The following SYT1 variants were observed in gnomAD, a reference collection of about 807,000 sequenced individuals.
SYT1 encodes synaptotagmin 1.
SYT1 carries 8 observed loss-of-function variants against 44.8 expected under a neutral mutation model. The ratio of observed to expected loss-of-function variants is 0.18; its 90% CI spans 0.10 to 0.32. The LOEUF (loss-of-function observed/expected upper bound fraction) is 0.32, where lower values mean the gene tolerates loss of function less well. SYT1 is among the 10% of genes least tolerant of loss of function. The pLI, the probability that SYT1 is intolerant of heterozygous loss-of-function variation, is 1.00. For synonymous variants in SYT1, 154 were observed against 188.8 expected, an observed-to-expected ratio of 0.82 and a Z score of 1.51; for missense variants, 286 against 509.3, an observed-to-expected ratio of 0.56 and a Z score of 4.22.
chr12:79,292,975 A>G (rs1879660363), intron 6 of SYT1, among the ~76,000 whole-genome samples: 1 of 152,124 alleles, frequency 6.6e-6, no homozygotes, highest in South Asian at 2.1e-4. Flanking sequence ...AAAGCTGGAT[A>G]AGAATTAGGG....
chr12:79,169,262 A>C (rs1871375786), intron 3 of SYT1, among the ~76,000 whole-genome samples: 1 of 152,052 alleles, frequency 6.6e-6, no homozygotes, highest in African/African-American at 2.4e-5. Context: ...AGCAGCAGTC[A>C]ACTATCCACA....
intron 3 of SYT1, among the ~76,000 whole-genome samples, chr12:79,194,453 G>T (rs967728581): frequency 1.3e-5 from 2 of 148,628 alleles, no homozygotes; most frequent in Non-Finnish European, 3.0e-5. Flanking sequence ...TAATAATTTT[G>T]TTATTATTAT....
chr12:78,889,583 G>C (rs1250562725), intron 1 of SYT1, among the ~76,000 whole-genome samples: 1 of 151,934 alleles, frequency 6.6e-6, no homozygotes. Context: ...GTGGGAAAGA[G>C]TGTGAGCAAA....
chr12:78,909,145 A>AT (rs1876161527), intron 1 of SYT1, among the ~76,000 whole-genome samples: 1 of 151,770 alleles, frequency 6.6e-6, no homozygotes, highest in Non-Finnish European at 1.5e-5. Context: ...GCCTCCATGC[A>AT]TTTTTTGTGC....
chr12:79,105,754 C>T (rs1015905637), intron 3 of SYT1, among the ~76,000 whole-genome samples: 1 of 152,028 alleles, frequency 6.6e-6, no homozygotes, highest in Admixed American at 6.5e-5. Context: ...GTGGCGGGCG[C>T]CTGTAGTCCC....
chr12:78,946,647 A>T (rs1345475539), intron 1 of SYT1, among the ~76,000 whole-genome samples: 1 of 152,002 alleles, frequency 6.6e-6, no homozygotes, highest in Non-Finnish European at 1.5e-5. Flanking sequence ...AGATCGTGCC[A>T]CTGCACTTCA....
At chr12:79,054,421 A>G (rs1413065221) in intron 3 of SYT1, among the ~76,000 whole-genome samples, 3 of 152,174 alleles carry the variant, frequency 2.0e-5, no homozygotes, top group Non-Finnish European at 4.4e-5. Context: ...TAGGAAAAGT[A>G]GAACCCAAAT....
chr12:79,171,333 GT>G (rs1169503736), intron 3 of SYT1, among the ~76,000 whole-genome samples: 1 of 152,042 alleles, frequency 6.6e-6, no homozygotes, highest in African/African-American at 2.4e-5. Flanking sequence ...AGCATGGAAT[GT>G]TTTTCCATTT....
intron 2 of SYT1, among the ~76,000 whole-genome samples, chr12:79,003,270 C>G (rs571729926): frequency 3.1e-4 from 47 of 151,890 alleles, no homozygotes; most frequent in Non-Finnish European, 6.2e-4. Context: ...AGACCTAGTC[C>G]CTTGGAAATT....
chr12:79,062,125 A>G (rs1203132427), intron 3 of SYT1, among the ~76,000 whole-genome samples: 1 of 152,186 alleles, frequency 6.6e-6, no homozygotes, highest in Admixed American at 6.6e-5. Context: ...AACATGATCC[A>G]TAATGACATT....
At chr12:78,864,746 G>C (rs1037379368), upstream of SYT1, 7 of 152,506 alleles carry the variant, frequency 4.6e-5, no homozygotes, top group African/African-American at 1.4e-4. Context: ...CTGCAGTGTG[G>C]GGATGCTCTA....
At chr12:78,876,461 G>GTTT (rs1491347037) in intron 1 of SYT1, among the ~76,000 whole-genome samples, 6 of 30,206 alleles carry the variant, frequency 2.0e-4, no homozygotes, top group Admixed American at 5.8e-4. Context: ...GAAAATGGAG[G>GTTT]TGTTTTTTTT....
chr12:79,006,234 T>G (rs1051028576), intron 2 of SYT1, among the ~76,000 whole-genome samples: 4 of 152,282 alleles, frequency 2.6e-5, no homozygotes, highest in South Asian at 4.1e-4. Flanking sequence ...TGACCATGTA[T>G]GAAGATCACT....
chr12:78,882,057 C>T (rs1481798604), intron 1 of SYT1, among the ~76,000 whole-genome samples: 1 of 151,674 alleles, frequency 6.6e-6, no homozygotes, highest in African/African-American at 2.4e-5. Flanking sequence ...GGAGAAGCCA[C>T]TAAGAACATA....
At chr12:79,134,145 G>A (rs1869032519) in intron 3 of SYT1, among the ~76,000 whole-genome samples, 1 of 152,060 alleles carries the variant, frequency 6.6e-6, no homozygotes, top group African/African-American at 2.4e-5. Flanking sequence ...TTTACTTTAA[G>A]TGTAAAAGTT....
At position 79,251,504 on chromosome 12, in the gene SYT1, C is replaced by T. The variant is rs148564580; in HGVS notation, c.166+33819C>T. 7.9e-5 allele frequency among the ~76,000 whole-genome samples: 12 copies of T among 152,254 alleles called. No homozygotes were observed. In the East Asian group the frequency reaches 1.7e-3, roughly 22 times the overall value. On this transcript the variant is annotated intron_variant, in intron 4 of 10. Transcript: ENST00000261205. ...GATACTCCCTCACCCAGTCAACAAGCGCAGGTAGCAAAATAGTCTTCCCAT... is the reference window on the plus strand; with the variant it reads ...GATACTCCCTCACCCAGTCAACAAGTGCAGGTAGCAAAATAGTCTTCCCAT...
At chr12:79,372,107 C>T (rs1883813313) in intron 9 of SYT1, among the ~76,000 whole-genome samples, 2 of 152,164 alleles carry the variant, frequency 1.3e-5, no homozygotes, top group Non-Finnish European at 2.9e-5. Flanking sequence ...GGAGTTATCT[C>T]GTCCCATGAT....
At chr12:79,061,827 C>T (rs1338090790) in intron 3 of SYT1, among the ~76,000 whole-genome samples, 2 of 152,022 alleles carry the variant, frequency 1.3e-5, no homozygotes, top group African/African-American at 4.8e-5. Context: ...GTAATGAGAT[C>T]ATGAAGGTTA....
chr12:79,057,642 T>C (rs1875062688), intron 3 of SYT1, among the ~76,000 whole-genome samples: 1 of 152,028 alleles, frequency 6.6e-6, no homozygotes, highest in African/African-American at 2.4e-5. Flanking sequence ...CTTTAAAATT[T>C]TTTTTCTAAT....
Sources: gnomAD v4.1 joint callset for allele counts (sites outside exome capture counted in the v4.1 genomes callset) on GRCh38, gnomAD v4.1.1 for gene constraint, MANE v1.5 for transcripts, NCBI Gene and HGNC (gene_info 2026-07-23, HGNC 2026-07-21) for gene names.